NAV3: variants seen among roughly 807,000 people sequenced by gnomAD.
The protein encoded by NAV3 is neuron navigator 3, also known as pore membrane and/or filament interacting like protein 1.
NAV3 carries 87 observed loss-of-function variants against 244.7 expected under a neutral mutation model. The observed-to-expected ratio is 0.36, with a 90% CI of 0.30 to 0.42. The LOEUF is 0.42. Among genes scored for constraint, NAV3 ranks in the 20% least tolerant of loss-of-function variants. The pLI, the probability that NAV3 is intolerant of heterozygous loss-of-function variation, is 1.00. For synonymous variants in NAV3, 1,126 were observed against 1,042.2 expected (o/e 1.08, Z -1.55); for missense variants, 2,663 against 2,893.3 (o/e 0.92, Z 1.83).
chr12:77,632,062 G>T (rs1871930974), intron 2 of NAV3, among the ~76,000 whole-genome samples: 1 of 145,042 alleles, frequency 6.9e-6, no homozygotes, highest in African/African-American at 2.7e-5. Context: ...TTCATGGAAG[G>T]ATTGAGTTGA....
intron 2 of NAV3, among the ~76,000 whole-genome samples, chr12:77,675,580 G>T (rs1322712465): frequency 3.3e-5 from 5 of 152,148 alleles, no homozygotes; most frequent in Non-Finnish European, 5.9e-5. Flanking sequence ...TAGAAAGATT[G>T]TCATGTAAAA....
chr12:78,082,708 A>G (rs2137855401), intron 12 of NAV3, among the ~76,000 whole-genome samples: 1 of 152,244 alleles, frequency 6.6e-6, no homozygotes, highest in South Asian at 2.1e-4. Context: ...TAACCCTCCA[A>G]ATTCTCTACT....
chr12:78,000,995 A>G (rs948893231), intron 7 of NAV3, among the ~76,000 whole-genome samples: 7 of 150,770 alleles, frequency 4.6e-5, no homozygotes, highest in African/African-American at 1.7e-4. Context: ...AAAAAAAATT[A>G]TAAGTTATTC....
At chr12:77,886,598 T>A (rs1318114371) in intron 1 of NAV3, among the ~76,000 whole-genome samples, 1 of 152,170 alleles carries the variant, frequency 6.6e-6, no homozygotes, top group Non-Finnish European at 1.5e-5. Flanking sequence ...TTCTCAAGGA[T>A]GTAGATAGAG....
chr12:77,644,518 G>C (rs1592534061), intron 2 of NAV3, among the ~76,000 whole-genome samples: 2 of 151,848 alleles, frequency 1.3e-5, no homozygotes, highest in African/African-American at 4.8e-5. Flanking sequence ...TAGAACAGAG[G>C]CCTCAAAAAT....
intron 5 of NAV3, among the ~76,000 whole-genome samples, chr12:77,977,712 GCACACACACACA>G (rs540138192): frequency 7.0e-6 from 1 of 143,082 alleles, no homozygotes; most frequent in African/African-American, 2.5e-5. Context: ...ACACACACGC[GCACACACACACA>G]CACACACACA....
At position 78,210,868 on chromosome 12, in the gene NAV3, T is replaced by C; in HGVS notation, c.*351T>C. ...TTTAAAAGTTTACAATGCAGACCAT[T>C]TTTTGTCCCTTCCTTTTGTTTCCTC... On this transcript the variant is annotated 3_prime_UTR_variant, in exon 40 of 40. Coordinates refer to ENST00000397909, the MANE Select transcript of NAV3 (RefSeq NM_001024383.2). The C allele has an allele frequency of 4.3e-6, 1 of 233,688 alleles. No homozygotes were observed. Among genetic ancestry groups the C allele is most frequent in the South Asian group, 6.3e-5 (1 of 15,884 alleles). 14.5% of individuals were successfully genotyped at this position (233,688 alleles called of 1,614,324 possible).
chr12:78,163,695 G>A lies in NAV3; in HGVS notation c.4869+4409G>A, dbSNP rs185414512. Among the ~76,000 whole-genome samples the A allele has an allele frequency of 2.4e-3, 360 of 152,228 alleles. 7 individuals carry two copies. Among genetic ancestry groups the A allele is most frequent in the East Asian group, 5.2e-3 (27 of 5,176 alleles). ...ATGTTATATAATACTAAGTCTGTAA[G>A]TAGGTAAAAATTAAGAGAATTGTTA... On this transcript the variant is annotated intron_variant, in intron 23 of 39. Coordinates refer to ENST00000397909, the MANE Select transcript of NAV3 (RefSeq NM_001024383.2).
chr12:78,051,288 A>C (rs1202403390), intron 11 of NAV3, 141 bp downstream of exon 11: 5 of 882,172 alleles, frequency 5.7e-6, no homozygotes, highest in Non-Finnish European at 8.4e-6. Context: ...AGAGTGTTGA[A>C]GGGCCCTTCC....
chr12:77,723,755 C>CTT (rs34518266), intron 2 of NAV3, among the ~76,000 whole-genome samples: 4,410 of 67,528 alleles, frequency 0.065, 898 homozygotes, highest in African/African-American at 0.23. Flanking sequence ...GCAATCTTGA[C>CTT]TTTTTTTTTT....
At chr12:77,660,330 T>C (rs74556620) in intron 2 of NAV3, among the ~76,000 whole-genome samples, 2 of 152,136 alleles carry the variant, frequency 1.3e-5, no homozygotes, top group African/African-American at 4.8e-5. Context: ...GAATCAAATT[T>C]GTTTTATCTC....
chr12:77,900,398 T>A (rs1488208639), intron 1 of NAV3, among the ~76,000 whole-genome samples: 1 of 152,142 alleles, frequency 6.6e-6, no homozygotes. Flanking sequence ...TGTATCCATG[T>A]GTACTCAGTG....
chr12:77,661,120 A>G (rs1282334290), intron 2 of NAV3, among the ~76,000 whole-genome samples: 1 of 152,084 alleles, frequency 6.6e-6, no homozygotes, highest in Non-Finnish European at 1.5e-5. Flanking sequence ...ATTGTTGACT[A>G]GAATGCTAAG....
intron 12 of NAV3, among the ~76,000 whole-genome samples, chr12:78,063,578 T>C (rs1239101961): frequency 6.6e-6 from 1 of 152,154 alleles, no homozygotes; most frequent in Admixed American, 6.6e-5. Flanking sequence ...TGAAAGTTCC[T>C]CAGTTTAATG....
At chr12:77,975,054 T>G (rs1868284147) in intron 5 of NAV3, among the ~76,000 whole-genome samples, 2 of 152,146 alleles carry the variant, frequency 1.3e-5, no homozygotes, top group Non-Finnish European at 2.9e-5. Context: ...TAATTTAAAG[T>G]AATAATATTT....
chr12:77,922,580 C>T (rs79353526), intron 1 of NAV3, among the ~76,000 whole-genome samples: 1 of 152,112 alleles, frequency 6.6e-6, no homozygotes, highest in African/African-American at 2.4e-5. Context: ...CCTTTCAGAC[C>T]ACTGTTCCAG....
chr12:77,873,679 G>GTA (rs200152687), intron 1 of NAV3, among the ~76,000 whole-genome samples: 25 of 107,302 alleles, frequency 2.3e-4, no homozygotes, highest in African/African-American at 7.0e-4. Flanking sequence ...ATTTGTATGT[G>GTA]TATATATATA....
chr12:77,919,004 G>A (rs903977158), intron 1 of NAV3, among the ~76,000 whole-genome samples: 2 of 151,966 alleles, frequency 1.3e-5, no homozygotes. Flanking sequence ...CAATGGGCAA[G>A]GTATTTCATT....
At chr12:77,759,766 T>TA (rs1398359165) in intron 2 of NAV3, among the ~76,000 whole-genome samples, 6 of 152,018 alleles carry the variant, frequency 3.9e-5, no homozygotes, top group South Asian at 2.1e-4. Flanking sequence ...GATTTTTATT[T>TA]TTTTTTAACA....
Sources: gnomAD v4.1 joint callset for allele counts (sites outside exome capture counted in the v4.1 genomes callset) on GRCh38, gnomAD v4.1.1 for gene constraint, MANE v1.5 for transcripts, NCBI Gene and HGNC (gene_info 2026-07-23, HGNC 2026-07-21) for gene names.